CFAP61: variants seen among roughly 807,000 people sequenced by gnomAD.
CFAP61 encodes cilia- and flagella-associated protein 61.
A neutral mutation model predicts 135.6 loss-of-function variants in CFAP61; 107 were observed. The observed-to-expected ratio is 0.79, with a 90% confidence interval of 0.67 to 0.93. CFAP61 has a LOEUF of 0.93. Ranked by LOEUF, CFAP61 falls within the 40% of genes least tolerant of loss-of-function variation. The pLI is 0.00. For synonymous variants in CFAP61, 575 were observed against 578.5 expected (o/e 0.99, Z 0.09); for missense variants, 1,507 against 1,556.2 (o/e 0.97, Z 0.53).
At chr20:20,091,463 A>C (rs1438227976) in intron 7 of CFAP61, among the ~76,000 whole-genome samples, 1 of 150,958 alleles carries the variant, frequency 6.6e-6, no homozygotes, top group African/African-American at 2.4e-5. Context: ...CTCTTGTTCA[A>C]CCTTTCTAAT....
chr20:20,070,501 A>G (rs921974057), intron 2 of CFAP61, among the ~76,000 whole-genome samples: 1 of 152,172 alleles, frequency 6.6e-6, no homozygotes, highest in Non-Finnish European at 1.5e-5. Context: ...CACCCTAACC[A>G]TAGATGTTTA....
At chr20:20,298,149 T>C (rs931368938) in intron 24 of CFAP61, 32 bp from the exon 25 acceptor site, 1 of 1,459,460 alleles carries the variant, frequency 6.9e-7, no homozygotes, top group South Asian at 1.1e-5. Context: ...ATGTTTCTAA[T>C]GTTGTTTTTC....
rs183915697 is a variant in CFAP61, at chr20:20,343,969, C to T, written c.3513+2048C>T. Among the ~76,000 whole-genome samples the T allele has an allele frequency of 5.9e-5, 9 of 152,326 alleles. No homozygotes were observed. In the East Asian group the frequency reaches 1.7e-3, roughly 29 times the overall value. The stretch of plus-strand genomic sequence containing the variant: ...CCAGGCAGCAGACCAGAAGTGGCCA[C>T]GGACCTTTGCCCAAGACACACTAAA... On this transcript the variant is annotated intron_variant, in intron 26 of 26. Transcript: ENST00000245957.
At position 20,288,723 on chromosome 20, in the gene CFAP61, G is replaced by A. The variant is rs115717092; in HGVS notation, c.2911G>A (p.Asp971Asn). 6.0e-5 allele frequency: 97 copies of A among 1,614,046 alleles called. No individual in the cohort carries two copies. In the East Asian group the frequency reaches 1.9e-3, roughly 32 times the overall value. The change falls in exon 23 of 27, where the codon GAC (aspartate) becomes AAC (asparagine). Residue 971 changes from aspartate (D) to asparagine (N), a missense_variant. Transcript: ENST00000245957. ...GATTGATACCAACTTCCACACCAAC[G>A]ACATAGCCATCAGAGCTGCTGGCTC... ...LVIDTNFHTNDIAIRAAGSLT... is the reference protein window; with the variant it reads ...LVIDTNFHTNNIAIRAAGSLT...
At chr20:20,053,485 A>G (rs548122066) in intron 1 of CFAP61, among the ~76,000 whole-genome samples, 2 of 152,344 alleles carry the variant, frequency 1.3e-5, no homozygotes, top group South Asian at 2.1e-4. Flanking sequence ...TGTACATTCT[A>G]TGAGGTTGGA....
At chr20:20,110,323 T>C (rs2048713477) in intron 8 of CFAP61, among the ~76,000 whole-genome samples, 1 of 151,864 alleles carries the variant, frequency 6.6e-6, no homozygotes, top group African/African-American at 2.4e-5. Context: ...ACTGGTTTGG[T>C]GGTTGTTAAG....
chr20:20,290,105 T>C (rs1401604477), intron 23 of CFAP61, among the ~76,000 whole-genome samples, 195 bp from the exon 24 acceptor site: 1 of 152,180 alleles, frequency 6.6e-6, no homozygotes, highest in Non-Finnish European at 1.5e-5. Flanking sequence ...GGATATCATA[T>C]CACATTCACA....
chr20:20,306,260 A>G (rs181443353), intron 25 of CFAP61, among the ~76,000 whole-genome samples: 2 of 152,364 alleles, frequency 1.3e-5, no homozygotes, highest in African/African-American at 4.8e-5. Flanking sequence ...TGCATAGTCC[A>G]AAATGAATGT....
intron 2 of CFAP61, among the ~76,000 whole-genome samples, chr20:20,069,010 T>C (rs2045516823): frequency 6.6e-6 from 1 of 152,260 alleles, no homozygotes; most frequent in African/African-American, 2.4e-5. Context: ...TCCAAAGTGC[T>C]GGGATTACAG....
chr20:20,066,418 G>A (rs1314653872), intron 2 of CFAP61, among the ~76,000 whole-genome samples: 8 of 152,178 alleles, frequency 5.3e-5, no homozygotes, highest in Admixed American at 2.0e-4. Context: ...CAAAGACTTG[G>A]AACCAACCCA....
chr20:20,064,056 G>A (rs989429701), intron 2 of CFAP61, among the ~76,000 whole-genome samples: 13 of 112,322 alleles, frequency 1.2e-4, no homozygotes, highest in Non-Finnish European at 5.7e-5. Context: ...CGCCTTATCT[G>A]AGGGGAATAT....
chr20:20,090,203 A>G (rs758106207), intron 6 of CFAP61, among the ~76,000 whole-genome samples: 4 of 152,086 alleles, frequency 2.6e-5, no homozygotes, highest in African/African-American at 9.7e-5. Flanking sequence ...TCTGCCTGCA[A>G]TGTTCCACTT....
intron 21 of CFAP61, among the ~76,000 whole-genome samples, chr20:20,273,548 T>C (rs2053524686): frequency 6.6e-6 from 1 of 152,242 alleles, no homozygotes; most frequent in Non-Finnish European, 1.5e-5. Context: ...ATGATCCAGC[T>C]AGCAGGAAGA....
intron 8 of CFAP61, among the ~76,000 whole-genome samples, chr20:20,110,152 C>G (rs1406695599): frequency 2.0e-5 from 3 of 152,208 alleles, no homozygotes; most frequent in East Asian, 3.9e-4. Flanking sequence ...AGGTGATCCA[C>G]TTGCCTAGGC....
At chr20:20,145,306 G>A (rs1281964258) in intron 9 of CFAP61, among the ~76,000 whole-genome samples, 1 of 152,138 alleles carries the variant, frequency 6.6e-6, no homozygotes, top group Admixed American at 6.6e-5. Context: ...TATATCTAAA[G>A]TGCTATAATA....
intron 25 of CFAP61, among the ~76,000 whole-genome samples, chr20:20,326,098 A>C (rs2057736507): frequency 6.6e-6 from 1 of 152,134 alleles, no homozygotes; most frequent in Non-Finnish European, 1.5e-5. Context: ...GCCCAACTCA[A>C]ATGCTTGCTT....
chr20:20,225,966 T>A (rs2048708142), intron 17 of CFAP61: 1 of 152,242 alleles, frequency 6.6e-6, no homozygotes, highest in South Asian at 2.1e-4. Context: ...ATAGAGCAAA[T>A]CAGAACTGAC....
chr20:20,269,306 A>G (rs1235317342), intron 21 of CFAP61, among the ~76,000 whole-genome samples: 1 of 150,484 alleles, frequency 6.6e-6, no homozygotes, highest in African/African-American at 2.4e-5. Context: ...ATATGCATAG[A>G]CATAATTTAA....
chr20:20,297,073 C>T (rs2055692146), intron 24 of CFAP61, among the ~76,000 whole-genome samples: 1 of 152,098 alleles, frequency 6.6e-6, no homozygotes, highest in Admixed American at 6.5e-5. Flanking sequence ...GGGGGTGGCC[C>T]AGGACTCACC....
Sources: gnomAD v4.1 joint callset for allele counts (sites outside exome capture counted in the v4.1 genomes callset) on GRCh38, gnomAD v4.1.1 for gene constraint, MANE v1.5 for transcripts, NCBI Gene and HGNC (gene_info 2026-07-23, HGNC 2026-07-21) for gene names.